Variants in GATAD2A observed in about 807,000 individuals in gnomAD.
GATAD2A encodes GATA zinc finger domain containing 2A.
GATAD2A carries 12 observed loss-of-function variants against 68.5 expected under a neutral mutation model. The ratio of observed to expected loss-of-function variants is 0.18; its 90% CI spans 0.11 to 0.28. The LOEUF (loss-of-function observed/expected upper bound fraction) is 0.28, where lower values mean the gene tolerates loss of function less well. GATAD2A is among the 10% of genes least tolerant of loss of function. GATAD2A has a pLI of 1.00. For missense variants in GATAD2A, 755 were observed against 868.5 expected (o/e 0.87, Z 1.64); for synonymous variants, 410 against 375.3 (o/e 1.09, Z -1.07).
At chr19:19,439,284 A>G (rs983096534) in intron 1 of GATAD2A, among the ~76,000 whole-genome samples, 5 of 152,212 alleles carry the variant, frequency 3.3e-5, no homozygotes, top group Admixed American at 3.3e-4. Flanking sequence ...CGCACTGCCT[A>G]GTGCTGGGTG....
At chr19:19,424,678 C>G (rs928169458) in intron 1 of GATAD2A, among the ~76,000 whole-genome samples, 1 of 152,084 alleles carries the variant, frequency 6.6e-6, no homozygotes, top group Non-Finnish European at 1.5e-5. Context: ...TGGCCTGGCG[C>G]TTTACTTTTG....
chr19:19,429,250 G>A (rs1318964628), intron 1 of GATAD2A: 3 of 984,856 alleles, frequency 3.0e-6, no homozygotes, highest in African/African-American at 3.5e-5. Context: ...CATGGTGAGG[G>A]GCTGGGGGGG....
chr19:19,386,900 A>G (rs1018700106), intron 1 of GATAD2A, among the ~76,000 whole-genome samples: 9 of 151,634 alleles, frequency 5.9e-5, no homozygotes, highest in Non-Finnish European at 1.0e-4. Context: ...GGGTCCCTCT[A>G]CTTTTCTCAG....
At chr19:19,394,237 G>A (rs1161828466) in intron 1 of GATAD2A, among the ~76,000 whole-genome samples, 1 of 151,996 alleles carries the variant, frequency 6.6e-6, no homozygotes, top group African/African-American at 2.4e-5. Context: ...GAATCCTGTG[G>A]CATTTCTTCA....
intron 1 of GATAD2A, among the ~76,000 whole-genome samples, chr19:19,457,457 A>T (rs989172445): frequency 3.3e-5 from 5 of 151,998 alleles, no homozygotes; most frequent in African/African-American, 9.7e-5. Context: ...CATGATTAAC[A>T]AGGCCAGGCT....
rs549651871 is a variant in GATAD2A, at chr19:19,502,365, C to T, written c.1613C>T (p.Thr538Met). ...CAGCTGTCCCGGGGTTCGGCCACGA[C>T]GCCCCGAGGTGTCCTGCACACGTTC... ...SSQLSRGSATTPRGVLHTFSP... is the reference protein window; with the variant it reads ...SSQLSRGSATMPRGVLHTFSP... Residue 538 changes from threonine (T) to methionine (M), a missense_variant, in exon 11 of 12, where the codon ACG (threonine) becomes ATG (methionine). Coordinates refer to ENST00000683918, the MANE Select transcript of GATAD2A (RefSeq NM_001384528.1). 41 of 1,612,882 alleles carry T rather than the reference C, an allele frequency of 2.5e-5. No homozygotes were observed. The highest frequency in any genetic ancestry group is 3.3e-4 in the Middle Eastern group (2 of 6,060).
intron 1 of GATAD2A, among the ~76,000 whole-genome samples, chr19:19,429,508 T>C (rs1255490499): frequency 6.6e-6 from 1 of 152,050 alleles, no homozygotes; most frequent in Non-Finnish European, 1.5e-5. Flanking sequence ...TGAGGTGCTC[T>C]GACGCTGGGT....
At chr19:19,461,992 T>C (rs1396417015) in intron 1 of GATAD2A, among the ~76,000 whole-genome samples, 1 of 152,184 alleles carries the variant, frequency 6.6e-6, no homozygotes, top group African/African-American at 2.4e-5. Flanking sequence ...GCCTGGAACT[T>C]CCGCCACCGG....
chr19:19,469,180 C>G (rs1024522725), intron 2 of GATAD2A, among the ~76,000 whole-genome samples: 5 of 152,096 alleles, frequency 3.3e-5, no homozygotes, highest in African/African-American at 4.8e-5. Context: ...TCCTGTAATT[C>G]CAGCACTTTG....
chr19:19,429,139 G>C, intron 1 of GATAD2A: 1 of 960,746 alleles, frequency 1.0e-6, no homozygotes, highest in Non-Finnish European at 1.2e-6. Flanking sequence ...TAGATGAGGT[G>C]ATGCGCAAGC....
rs909299452 is a variant in GATAD2A at position 19,501,964 on chromosome 19, T to C, written c.1504-5T>C. 2 of 1,613,256 alleles carry C rather than the reference T, an allele frequency of 1.2e-6. No individual in the cohort carries two copies. Among genetic ancestry groups the C allele is most frequent in the Non-Finnish European group, 1.7e-6 (2 of 1,179,338 alleles). ...TGACTTTGCTTTCAACCCCCGTTTG[T>C]GTAGGTCATAAAACCCCGGCGTAAG... On this transcript the variant is annotated splice_region_variant and splice_polypyrimidine_tract_variant and intron_variant, in intron 9 of 11. Coordinates refer to ENST00000683918, the MANE Select transcript of GATAD2A (RefSeq NM_001384528.1).
At chr19:19,399,748 A>G (rs752743354) in intron 1 of GATAD2A, among the ~76,000 whole-genome samples, 5 of 152,168 alleles carry the variant, frequency 3.3e-5, no homozygotes, top group Admixed American at 2.0e-4. Flanking sequence ...GCATTTCACT[A>G]TAAATGGGGG....
intron 1 of GATAD2A, among the ~76,000 whole-genome samples, chr19:19,415,152 T>TTG (rs1298031841): frequency 1.4e-5 from 2 of 146,374 alleles, no homozygotes; most frequent in Non-Finnish European, 3.0e-5. Context: ...TCTTTACTTT[T>TTG]TTTTTTTTTA....
At chr19:19,441,982 C>T (rs1008046780) in intron 1 of GATAD2A, among the ~76,000 whole-genome samples, 3 of 152,198 alleles carry the variant, frequency 2.0e-5, no homozygotes, top group Non-Finnish European at 2.9e-5. Flanking sequence ...CTGCCTCAGC[C>T]TCCTGAGTGG....
intron 2 of GATAD2A, among the ~76,000 whole-genome samples, chr19:19,490,688 C>G (rs546651985): frequency 1.3e-5 from 2 of 152,196 alleles, no homozygotes; most frequent in African/African-American, 4.8e-5. Flanking sequence ...TCAAGACCAC[C>G]CTGGCCAGCA....
chr19:19,415,586 A>G (rs899543003), intron 1 of GATAD2A, among the ~76,000 whole-genome samples: 1 of 148,110 alleles, frequency 6.8e-6, no homozygotes, highest in Non-Finnish European at 1.5e-5. Flanking sequence ...AGTAGCTGCG[A>G]TTACAGGCGT....
chr19:19,387,609 G>A (rs1040417501), intron 1 of GATAD2A, among the ~76,000 whole-genome samples: 4 of 152,036 alleles, frequency 2.6e-5, no homozygotes, highest in East Asian at 1.9e-4. Context: ...GTGAGCCACC[G>A]TGCCTGGCCC....
At chr19:19,429,118 C>CA (rs2053438613) in intron 1 of GATAD2A, 7 of 855,050 alleles carry the variant, frequency 8.2e-6, no homozygotes, top group Non-Finnish European at 9.8e-6. Flanking sequence ...CCTCCGTGCC[C>CA]ACGTGGGTGT....
chr19:19,442,147 A>G (rs1728719457), intron 1 of GATAD2A, among the ~76,000 whole-genome samples: 1 of 151,788 alleles, frequency 6.6e-6, no homozygotes, highest in South Asian at 2.1e-4. Flanking sequence ...GGCGTGAGCC[A>G]CTGCACCTGG....
Sources: allele counts gnomAD v4.1 joint callset (sites outside exome capture counted in the v4.1 genomes callset), GRCh38; gene constraint gnomAD v4.1.1; transcripts MANE v1.5; gene names NCBI Gene and HGNC (gene_info 2026-07-23, HGNC 2026-07-21).